IQCM: variants seen among roughly 807,000 people sequenced by gnomAD.
IQCM encodes IQ domain-containing protein M.
IQCM carries 45 observed loss-of-function variants against 57.6 expected under a neutral mutation model. That is an observed-to-expected ratio of 0.78 (90% CI 0.62 to 1.00). The LOEUF is 1.00. Ranked by LOEUF, IQCM falls within the 50% of genes least tolerant of loss-of-function variation. IQCM has a pLI of 0.00. For missense variants in IQCM, 468 were observed against 511.6 expected (o/e 0.91, Z 0.82); for synonymous variants, 148 against 158.9 (o/e 0.93, Z 0.51).
intron 12 of IQCM, among the ~76,000 whole-genome samples, chr4:149,491,977 G>T: frequency 6.6e-6 from 1 of 151,666 alleles, no homozygotes; most frequent in Admixed American, 6.6e-5. Flanking sequence ...TATCATTGTG[G>T]TTTTTATTTT....
chr4:149,437,815 C>T (rs1314159998), intron 12 of IQCM, among the ~76,000 whole-genome samples: 1 of 151,946 alleles, frequency 6.6e-6, no homozygotes, highest in African/African-American at 2.4e-5. Flanking sequence ...TATGTATTAC[C>T]GAAGGATATT....
intron 2 of IQCM, chr4:149,780,231 G>A (rs969978575): frequency 2.0e-5 from 3 of 152,166 alleles, no homozygotes; most frequent in South Asian, 2.1e-4. Flanking sequence ...AGGAACTCAC[G>A]TTAGAACAAA....
intron 12 of IQCM, among the ~76,000 whole-genome samples, chr4:149,540,270 C>A (rs1747718868): frequency 6.7e-6 from 1 of 149,068 alleles, no homozygotes; most frequent in Non-Finnish European, 1.5e-5. Flanking sequence ...ACTAAATTGT[C>A]ATAGAACTAC....
intron 7 of IQCM, among the ~76,000 whole-genome samples, chr4:149,670,511 T>A (rs906481205): frequency 1.1e-4 from 16 of 152,280 alleles, no homozygotes; most frequent in East Asian, 3.9e-4. Flanking sequence ...CTTCCAACAC[T>A]ACGTTGAATA....
At chr4:149,494,972 G>A (rs1262968833) in intron 12 of IQCM, among the ~76,000 whole-genome samples, 2 of 152,030 alleles carry the variant, frequency 1.3e-5, no homozygotes, top group Admixed American at 1.3e-4. Flanking sequence ...TAAGAGTTAT[G>A]GTCTTCAGGA....
At chr4:149,581,628 C>T (rs1417905917) in intron 9 of IQCM, among the ~76,000 whole-genome samples, 1 of 151,502 alleles carries the variant, frequency 6.6e-6, no homozygotes, top group Non-Finnish European at 1.5e-5. Context: ...GAAGTTGACC[C>T]CTAAAGCTGA....
chr4:149,509,143 C>T (rs1173373506), intron 12 of IQCM, among the ~76,000 whole-genome samples: 4 of 152,138 alleles, frequency 2.6e-5, no homozygotes, highest in Non-Finnish European at 1.5e-5. Context: ...GACTAATATA[C>T]CAGCCTTCCC....
chr4:149,777,942 C>T (rs1020872718), intron 2 of IQCM, among the ~76,000 whole-genome samples: 2 of 151,974 alleles, frequency 1.3e-5, no homozygotes, highest in Non-Finnish European at 2.9e-5. Flanking sequence ...AAAAAAAAGG[C>T]CCAAACCAAA....
chr4:149,566,515 C>CGAGAGA (rs144416069), intron 9 of IQCM, among the ~76,000 whole-genome samples: 3 of 146,674 alleles, frequency 2.0e-5, no homozygotes, highest in African/African-American at 5.0e-5. Flanking sequence ...TACACATGTA[C>CGAGAGA]GAGAGAGAGA....
chr4:149,654,897 T>A (rs1411364309), intron 7 of IQCM, among the ~76,000 whole-genome samples: 1 of 152,206 alleles, frequency 6.6e-6, no homozygotes, highest in Non-Finnish European at 1.5e-5. Context: ...TAATTTTTTA[T>A]ATTGATTGCC....
At chr4:149,399,644 C>A (rs890112606) in intron 13 of IQCM, among the ~76,000 whole-genome samples, 1 of 152,036 alleles carries the variant, frequency 6.6e-6, no homozygotes, top group Non-Finnish European at 1.5e-5. Flanking sequence ...CTTCTAGTAA[C>A]GATTAAGAGC....
chr4:149,577,662 T>A (rs1344204072), intron 9 of IQCM, among the ~76,000 whole-genome samples: 5 of 13,014 alleles, frequency 3.8e-4, no homozygotes, highest in African/African-American at 8.2e-4. Flanking sequence ...GTAGGTAGTG[T>A]GATGCCTCTA....
At chr4:149,412,915 A>C (rs1482361860) in intron 13 of IQCM, among the ~76,000 whole-genome samples, 1 of 152,160 alleles carries the variant, frequency 6.6e-6, no homozygotes, top group East Asian at 1.9e-4. Context: ...GCAAGGAGGT[A>C]GGAGAGTGGT....
At chr4:149,399,329 G>T (rs1188777430) in intron 13 of IQCM, among the ~76,000 whole-genome samples, 1 of 151,868 alleles carries the variant, frequency 6.6e-6, no homozygotes, top group Non-Finnish European at 1.5e-5. Context: ...GAGAACTACA[G>T]ATAATACAAC....
At chr4:149,480,864 T>C (rs537882577) in intron 12 of IQCM, among the ~76,000 whole-genome samples, 2 of 152,288 alleles carry the variant, frequency 1.3e-5, no homozygotes, top group South Asian at 4.1e-4. Flanking sequence ...TTTTCCTAAT[T>C]TACCTTCCCA....
chr4:149,570,375 A>G (rs2149957063), intron 9 of IQCM, among the ~76,000 whole-genome samples: 1 of 152,066 alleles, frequency 6.6e-6, no homozygotes, highest in East Asian at 1.9e-4. Context: ...CGTGAAAATG[A>G]TGCCCACTAG....
chr4:149,600,321 T>C (rs760744302), intron 8 of IQCM, among the ~76,000 whole-genome samples: 1 of 152,196 alleles, frequency 6.6e-6, no homozygotes, highest in Non-Finnish European at 1.5e-5. Context: ...AGCAGATGTT[T>C]TATTTCCACT....
In IQCM at chr4:149,428,492, A is replaced by G. The variant is rs533344492; in HGVS notation, c.1390+4904T>C. The stretch of plus-strand genomic sequence containing the variant: ...AAGAATACATTAAATAGCCCATTTT[A>G]GAAAACAGAGAGTCATAATAATCTA... On this transcript the variant is annotated intron_variant, in intron 13 of 13. Transcript: ENST00000636793. Among the ~76,000 whole-genome samples the G allele has an allele frequency of 6.5e-4, 99 of 152,000 alleles. No individual in the cohort carries two copies. The Middle Eastern group carries it at 0.01, about 16-fold the overall frequency.
chr4:149,748,776 G>A (rs1768167244), intron 2 of IQCM: 1 of 152,144 alleles, frequency 6.6e-6, no homozygotes, highest in African/African-American at 2.4e-5. Flanking sequence ...AAAAGGAAAT[G>A]ATCAATGTTA....
Sources: gnomAD v4.1 joint callset for allele counts (sites outside exome capture counted in the v4.1 genomes callset) on GRCh38, gnomAD v4.1.1 for gene constraint, MANE v1.5 for transcripts, NCBI Gene and HGNC (gene_info 2026-07-23, HGNC 2026-07-21) for gene names.